The following CRB1 variants were observed in gnomAD, a reference collection of about 807,000 sequenced individuals.
The protein encoded by CRB1 is crumbs cell polarity complex component 1.
Under a neutral mutation model 120.0 loss-of-function variants are expected in CRB1, and 83 were observed. The ratio of observed to expected loss-of-function variants is 0.69; its 90% confidence interval spans 0.58 to 0.83. The LOEUF (loss-of-function observed/expected upper bound fraction) is 0.83. Ranked by LOEUF, CRB1 falls within the 40% of genes least tolerant of loss-of-function variation. The pLI is 0.00. For missense variants in CRB1, 1,699 were observed against 1,687.6 expected (o/e 1.01, Z -0.12); for synonymous variants, 625 against 612.5 (o/e 1.02, Z -0.30).
intron 11 of CRB1, among the ~76,000 whole-genome samples, chr1:197,457,195 G>A (rs2125541687): frequency 6.6e-6 from 1 of 152,084 alleles, no homozygotes; most frequent in Middle Eastern, 3.4e-3. Flanking sequence ...ACAATCCTAA[G>A]TACGCCTCTA....
Position 197,347,485 on chromosome 1 carries a change from T to G in CRB1, c.988+6T>G. 1.2e-6 allele frequency: 2 copies of G among 1,613,906 alleles called. No homozygotes were observed. Among genetic ancestry groups the G allele is most frequent in the Non-Finnish European group, 1.7e-6 (2 of 1,179,798 alleles). Reference sequence around the variant, plus strand: ...CACTTGTCACTGCTGGCCTGGTGAGTGACAAAATACCTTCCACCAATTATT... The same window carrying G: ...CACTTGTCACTGCTGGCCTGGTGAGGGACAAAATACCTTCCACCAATTATT... On this transcript the variant is annotated splice_donor_region_variant and intron_variant, in intron 4 of 11. Transcript: ENST00000367400.
rs866683762 is a variant in CRB1, at chr1:197,300,107, C to A, written c.71-28315C>A. Among the ~76,000 whole-genome samples, 14 of 151,814 alleles carry A rather than the reference C, an allele frequency of 9.2e-5. 1 individual carries two copies. The highest frequency in any genetic ancestry group is 3.2e-4 in the African/African-American group (13 of 41,180). ...ACTGATAGGCTGTTCCTCTGTTTCT[C>A]TCCCTATTCTCAGGCCTCCATATTC... On this transcript the variant is annotated intron_variant, in intron 1 of 11. Coordinates refer to ENST00000367400, the MANE Select transcript of CRB1 (RefSeq NM_201253.3).
chr1:197,362,350 C>T (rs946614278), intron 5 of CRB1, among the ~76,000 whole-genome samples: 4 of 152,090 alleles, frequency 2.6e-5, no homozygotes, highest in African/African-American at 9.6e-5. Context: ...TGTTTAGAGG[C>T]GATTTCTATA....
At chr1:197,376,359 T>C (rs557943194) in intron 5 of CRB1, among the ~76,000 whole-genome samples, 74 of 152,288 alleles carry the variant, frequency 4.9e-4, no homozygotes, top group African/African-American at 1.7e-3. Flanking sequence ...ACTTTTTATT[T>C]TTTTATCTTC....
At position 197,421,888 on chromosome 1, in the gene CRB1, G is replaced by A; in HGVS notation, c.2060G>A (p.Cys687Tyr). Residue 687 changes from cysteine (C) to tyrosine (Y), a missense_variant, in exon 6 of 12, where the codon TGC becomes TAC. Cys to Tyr is a radical substitution (Grantham distance 194). Coordinates refer to ENST00000367400, the MANE Select transcript of CRB1 (RefSeq NM_201253.3). ...CAACCTTGTCAAAGCAGAGGACGCTGCATCAACTTGTGGCTGAGTTACCAG... is the reference window on the plus strand; with the variant it reads ...CAACCTTGTCAAAGCAGAGGACGCTACATCAACTTGTGGCTGAGTTACCAG... The part of the protein sequence containing the change: ...ESQPCQSRGR[C>Y]INLWLSYQCD... The A allele has an allele frequency of 6.2e-7, 1 of 1,614,208 alleles. No homozygotes were observed. The highest frequency in any genetic ancestry group is 8.5e-7 in the Non-Finnish European group (1 of 1,180,040).
At chr1:197,258,907 A>G in the CRB1 span, among the ~76,000 whole-genome samples, 1 of 152,210 alleles carries the variant, frequency 6.6e-6, no homozygotes, top group Non-Finnish European at 1.5e-5. Context: ...TGTGTTAAAT[A>G]TTGTAAGGTT....
intron 10 of CRB1, 37 bp from the exon 11 acceptor site, chr1:197,442,129 A>C (rs1485525588): frequency 5.6e-6 from 9 of 1,613,904 alleles, no homozygotes; most frequent in Non-Finnish European, 7.6e-6. Context: ...TGTATTCAAC[A>C]GGGACCTGGG....
intron 9 of CRB1, among the ~76,000 whole-genome samples, chr1:197,437,056 G>T (rs1455400281): frequency 1.3e-5 from 2 of 151,980 alleles, no homozygotes; most frequent in African/African-American, 2.4e-5. Flanking sequence ...AGTTATTATT[G>T]TTTTTACAAC....
the CRB1 span, among the ~76,000 whole-genome samples, chr1:197,204,570 T>A: frequency 6.6e-6 from 1 of 152,238 alleles, no homozygotes; most frequent in Admixed American, 6.5e-5. Flanking sequence ...TGGCCATTTG[T>A]ATATCTTCTT....
At chr1:197,470,662 G>A (rs1282657658) in intron 11 of CRB1, among the ~76,000 whole-genome samples, 1 of 152,208 alleles carries the variant, frequency 6.6e-6, no homozygotes, top group Non-Finnish European at 1.5e-5. Context: ...CAAACCTCTA[G>A]CTGCATCTAT....
chr1:197,419,300 TAACA>T (rs1664163750), intron 5 of CRB1, among the ~76,000 whole-genome samples: 1 of 151,324 alleles, frequency 6.6e-6, no homozygotes, highest in Admixed American at 6.6e-5. Flanking sequence ...TGCATATTAA[TAACA>T]AACAATAAAT....
rs141624706 is a variant in CRB1 at position 197,297,299 on chromosome 1, A to G, written c.70+28817A>G. On this transcript the variant is annotated intron_variant, in intron 1 of 11. Transcript: ENST00000367400. Reference sequence around the variant, plus strand: ...AATTGTTCCTTTCTAGACTTGAAAAATATTAAATTGTGCTATTATACATAT... The same window carrying G: ...AATTGTTCCTTTCTAGACTTGAAAAGTATTAAATTGTGCTATTATACATAT... 7.2e-5 allele frequency among the ~76,000 whole-genome samples: 11 copies of G among 152,134 alleles called. No individual in the cohort carries two copies. In the East Asian group the frequency reaches 2.1e-3, roughly 30 times the overall value.
At chr1:197,255,785 T>C in the CRB1 span, among the ~76,000 whole-genome samples, 2 of 151,680 alleles carry the variant, frequency 1.3e-5, no homozygotes, top group African/African-American at 4.8e-5. Flanking sequence ...AGTCTAATAC[T>C]TCATGAGTAT....
chr1:197,354,416 C>T (rs1017005902), intron 4 of CRB1, among the ~76,000 whole-genome samples: 3 of 152,264 alleles, frequency 2.0e-5, no homozygotes, highest in East Asian at 3.9e-4. Context: ...GTGAGTGTTA[C>T]AGTTCTTAAA....
At chr1:197,405,990 G>C (rs1402174975) in intron 5 of CRB1, among the ~76,000 whole-genome samples, 1 of 151,454 alleles carries the variant, frequency 6.6e-6, no homozygotes, top group Non-Finnish European at 1.5e-5. Context: ...CGCCCCGTCC[G>C]GGAGGTGAGG....
the CRB1 span, among the ~76,000 whole-genome samples, chr1:197,253,747 T>C: frequency 6.6e-6 from 1 of 152,128 alleles, no homozygotes; most frequent in Non-Finnish European, 1.5e-5. Context: ...CTCTAAAATT[T>C]CTTTGTTTTG....
At chr1:197,476,586 C>T (rs1667208403) in intron 11 of CRB1, among the ~76,000 whole-genome samples, 1 of 152,016 alleles carries the variant, frequency 6.6e-6, no homozygotes, top group Admixed American at 6.6e-5. Context: ...CCAGACAATA[C>T]TATGAAGCTG....
chr1:197,294,601 G>A (rs1656403543), intron 1 of CRB1, among the ~76,000 whole-genome samples: 1 of 152,072 alleles, frequency 6.6e-6, no homozygotes, highest in Admixed American at 6.6e-5. Flanking sequence ...AAAGACACAT[G>A]CACACATACG....
At chr1:197,383,441 C>T (rs1343578501) in intron 5 of CRB1, among the ~76,000 whole-genome samples, 2 of 152,132 alleles carry the variant, frequency 1.3e-5, no homozygotes, top group Non-Finnish European at 2.9e-5. Flanking sequence ...TGGAGCTGGT[C>T]CTGAAGCAAG....
Sources: allele counts gnomAD v4.1 joint callset (sites outside exome capture counted in the v4.1 genomes callset), GRCh38; gene constraint gnomAD v4.1.1; transcripts MANE v1.5; gene names NCBI Gene and HGNC (gene_info 2026-07-23, HGNC 2026-07-21).